The following FAM120A variants were observed in gnomAD, a reference collection of about 807,000 sequenced individuals.
The protein encoded by FAM120A is constitutive coactivator of PPAR-gamma-like protein 1.
In FAM120A, 15 loss-of-function variants were observed where a neutral mutation model predicts 109.7. That is an observed-to-expected ratio of 0.14 (90% CI 0.09 to 0.21). The LOEUF is 0.21. Ranked by LOEUF, FAM120A falls within the 10% of genes least tolerant of loss-of-function variation. The pLI is 1.00. For missense variants in FAM120A, 899 were observed against 1,439.3 expected (o/e 0.62, Z 6.07); for synonymous variants, 493 against 572.8 (o/e 0.86, Z 1.99).
chr9:93,473,414 T>TC (rs1365520401), intron 2 of FAM120A, among the ~76,000 whole-genome samples: 1 of 152,114 alleles, frequency 6.6e-6, no homozygotes, highest in Non-Finnish European at 1.5e-5. Flanking sequence ...CAAGTGATCC[T>TC]CCCATCTCAA....
At chr9:93,459,415 G>GT (rs1403446251) in intron 1 of FAM120A, among the ~76,000 whole-genome samples, 2 of 151,950 alleles carry the variant, frequency 1.3e-5, no homozygotes, top group Admixed American at 6.6e-5. Context: ...GTTTTGTTTT[G>GT]TTTTTTTAAT....
At position 93,534,154 on chromosome 9, in the gene FAM120A, A is replaced by G. The variant is rs187495209; in HGVS notation, c.1909+1825A>G. 3.2e-4 allele frequency among the ~76,000 whole-genome samples: 48 copies of G among 152,194 alleles called. No individual in the cohort carries two copies. The East Asian group carries it at 9.3e-3, about 30-fold the overall frequency. On this transcript the variant is annotated intron_variant, in intron 10 of 17. Coordinates refer to ENST00000277165, the MANE Select transcript of FAM120A (RefSeq NM_014612.5). ...AGCTCCCCATCAGCTGTCTTGGTCT[A>G]GGTTGGGAGGTCTCCGTCTGGGCCT...
intron 5 of FAM120A, among the ~76,000 whole-genome samples, chr9:93,506,584 AT>A (rs57537956): frequency 0.11 from 15,960 of 143,664 alleles, 1,755 homozygotes; most frequent in African/African-American, 0.29. Flanking sequence ...TTAGGGCATG[AT>A]TTTTTTTTTT....
intron 10 of FAM120A, among the ~76,000 whole-genome samples, chr9:93,542,446 C>G (rs759197215): frequency 6.6e-6 from 1 of 152,198 alleles, no homozygotes; most frequent in Non-Finnish European, 1.5e-5. Context: ...GGAAATCAAT[C>G]AAGTGGGAAA....
At chr9:93,548,075 G>A (rs1861955104) in intron 11 of FAM120A, among the ~76,000 whole-genome samples, 1 of 151,844 alleles carries the variant, frequency 6.6e-6, no homozygotes, top group African/African-American at 2.4e-5. Flanking sequence ...GAGAACCAGT[G>A]TATCTGCAAT....
chr9:93,544,756 C>A (rs1861822834), intron 11 of FAM120A, among the ~76,000 whole-genome samples: 1 of 152,180 alleles, frequency 6.6e-6, no homozygotes. Context: ...GGAACCTGTT[C>A]CTGTTCCAGG....
chr9:93,514,417 T>C (rs1466035952), intron 5 of FAM120A, among the ~76,000 whole-genome samples: 2 of 152,136 alleles, frequency 1.3e-5, no homozygotes, highest in Non-Finnish European at 2.9e-5. Context: ...AAGAGGGAAA[T>C]TGGAGTCAGC....
chr9:93,466,661 T>TG (rs751110559), intron 1 of FAM120A, among the ~76,000 whole-genome samples: 1 of 152,172 alleles, frequency 6.6e-6, no homozygotes, highest in South Asian at 2.1e-4. Context: ...TACTGCTGCT[T>TG]GGGGGTCCGT....
chr9:93,492,478 G>A (rs4743924), intron 3 of FAM120A, among the ~76,000 whole-genome samples: 42,549 of 152,048 alleles, frequency 0.28, 7,042 homozygotes, highest in East Asian at 0.44. Context: ...TTGTTGATGG[G>A]ACCAAGCCCT....
intron 3 of FAM120A, among the ~76,000 whole-genome samples, chr9:93,480,496 G>A (rs1858752141): frequency 6.6e-6 from 1 of 152,120 alleles, no homozygotes; most frequent in Non-Finnish European, 1.5e-5. Context: ...GCCAGGATGG[G>A]TAAAACCCCA....
intron 17 of FAM120A, among the ~76,000 whole-genome samples, chr9:93,562,969 T>C (rs917565715): frequency 6.6e-6 from 1 of 152,192 alleles, no homozygotes; most frequent in Admixed American, 6.5e-5. Context: ...CCAGCGGTCC[T>C]GCTATATTTT....
intron 12 of FAM120A, among the ~76,000 whole-genome samples, chr9:93,551,290 T>C (rs562429276): frequency 6.6e-6 from 1 of 152,326 alleles, no homozygotes; most frequent in East Asian, 1.9e-4. Context: ...GTTTTGACAA[T>C]ATTGATTTTT....
At chr9:93,536,878 G>A (rs984283574) in intron 10 of FAM120A, among the ~76,000 whole-genome samples, 1 of 152,172 alleles carries the variant, frequency 6.6e-6, no homozygotes, top group Admixed American at 6.5e-5. Context: ...TCACTTTTAG[G>A]AAATTCAGAA....
chr9:93,518,417 GAA>G (rs1481384424), intron 7 of FAM120A, among the ~76,000 whole-genome samples: 3 of 152,088 alleles, frequency 2.0e-5, no homozygotes, highest in Non-Finnish European at 4.4e-5. Context: ...TTATAGTTTA[GAA>G]AAAAAGTCAC....
At chr9:93,482,772 G>A (rs1440884404) in intron 3 of FAM120A, among the ~76,000 whole-genome samples, 2 of 152,086 alleles carry the variant, frequency 1.3e-5, no homozygotes, top group African/African-American at 4.8e-5. Flanking sequence ...GGCCCTTTGA[G>A]ACAAAGAGGA....
chr9:93,517,000 G>A (rs1222242312), intron 7 of FAM120A, among the ~76,000 whole-genome samples: 3 of 152,152 alleles, frequency 2.0e-5, no homozygotes, highest in African/African-American at 7.2e-5. Flanking sequence ...CAGATAACCA[G>A]GGCTGGTTGA....
At chr9:93,455,629 A>C (rs971309428) in intron 1 of FAM120A, among the ~76,000 whole-genome samples, 41 of 152,122 alleles carry the variant, frequency 2.7e-4, no homozygotes, top group African/African-American at 9.9e-4. Flanking sequence ...GTAAATTGGC[A>C]GAGGGGCATA....
chr9:93,527,491 C>T (rs931894823), intron 8 of FAM120A, among the ~76,000 whole-genome samples: 1 of 152,016 alleles, frequency 6.6e-6, no homozygotes, highest in African/African-American at 2.4e-5. Context: ...TGCTTAGGAC[C>T]TTCCTGAGCC....
chr9:93,546,240 C>CT (rs1861886122), intron 11 of FAM120A, among the ~76,000 whole-genome samples: 1 of 152,082 alleles, frequency 6.6e-6, no homozygotes, highest in Non-Finnish European at 1.5e-5. Flanking sequence ...AATTTGATTA[C>CT]TTTTTTTGTA....
Sources: allele counts gnomAD v4.1 joint callset (sites outside exome capture counted in the v4.1 genomes callset), GRCh38; gene constraint gnomAD v4.1.1; transcripts MANE v1.5; gene names NCBI Gene and HGNC (gene_info 2026-07-23, HGNC 2026-07-21).